ARHGAP21: variants seen among roughly 807,000 people sequenced by gnomAD.
ARHGAP21 encodes the protein Rho GTPase activating protein 21, also known as rho GTPase-activating protein 21.
Under a neutral mutation model 164.6 loss-of-function variants are expected in ARHGAP21, and 38 were observed. The observed-to-expected ratio is 0.23, with a 90% CI of 0.18 to 0.30. ARHGAP21 has a LOEUF of 0.30. Among genes scored for constraint, ARHGAP21 ranks in the 10% least tolerant of loss-of-function variants. The pLI, the probability that ARHGAP21 is intolerant of heterozygous loss-of-function variation, is 1.00. For synonymous variants in ARHGAP21, 766 were observed against 857.9 expected, an observed-to-expected ratio of 0.89 and a Z score of 1.87; for missense variants, 1,822 against 2,370.7, an observed-to-expected ratio of 0.77 and a Z score of 4.81.
intron 4 of ARHGAP21, chr10:24,640,030 G>C (rs1175657713): frequency 6.6e-6 from 1 of 151,940 alleles, no homozygotes; most frequent in Non-Finnish European, 1.5e-5. Flanking sequence ...AACAGATCAT[G>C]ATAGTAAGAA....
intron 2 of ARHGAP21, among the ~76,000 whole-genome samples, chr10:24,681,646 T>G (rs919549040): frequency 2.0e-5 from 3 of 152,154 alleles, no homozygotes; most frequent in Non-Finnish European, 4.4e-5. Flanking sequence ...TTGTCTTTTT[T>G]TTTTTCCATT....
At chr10:24,704,854 A>G (rs1593349559) in intron 2 of ARHGAP21, among the ~76,000 whole-genome samples, 1 of 152,056 alleles carries the variant, frequency 6.6e-6, no homozygotes, top group Non-Finnish European at 1.5e-5. Context: ...GATCCTCCCA[A>G]GGTGCTGGTA....
chr10:24,677,862 C>G (rs536694260), intron 2 of ARHGAP21, among the ~76,000 whole-genome samples: 108 of 152,108 alleles, frequency 7.1e-4, no homozygotes, highest in Non-Finnish European at 1.2e-3. Context: ...CAACCTTGTT[C>G]CACAGAGTAG....
intron 2 of ARHGAP21, among the ~76,000 whole-genome samples, chr10:24,689,452 T>C (rs1437586589): frequency 6.6e-6 from 1 of 152,114 alleles, no homozygotes; most frequent in Non-Finnish European, 1.5e-5. Flanking sequence ...TACATAAATA[T>C]ACACTGGCTG....
chr10:24,722,508 G>GA, intron 1 of ARHGAP21: 1 of 154,440 alleles, frequency 6.5e-6, no homozygotes, highest in Non-Finnish European at 1.4e-5. Flanking sequence ...CAGCCTTCAA[G>GA]AAAAAATGTT....
At chr10:24,714,371 C>T (rs532270051) in intron 2 of ARHGAP21, 109 of 152,256 alleles carry the variant, frequency 7.2e-4, no homozygotes, top group African/African-American at 2.5e-3. Flanking sequence ...CTTCATAAAA[C>T]GCTTAACCTG....
intron 24 of ARHGAP21, 52 bp downstream of exon 24, chr10:24,591,173 G>C: frequency 2.1e-6 from 3 of 1,401,724 alleles, no homozygotes; most frequent in Non-Finnish European, 3.0e-6. Context: ...CTTTCATATT[G>C]TAAGAATGTA....
At chr10:24,721,571 G>A (rs1160384312) in intron 2 of ARHGAP21, among the ~76,000 whole-genome samples, 1 of 152,216 alleles carries the variant, frequency 6.6e-6, no homozygotes, top group Non-Finnish European at 1.5e-5. Context: ...AGAGACGGGA[G>A]AATTCCTGGC....
chr10:24,645,178 C>T (rs181908328), intron 4 of ARHGAP21, among the ~76,000 whole-genome samples: 1 of 152,262 alleles, frequency 6.6e-6, no homozygotes, highest in African/African-American at 2.4e-5. Flanking sequence ...TCTCTAAAAT[C>T]TGTTCTGGAA....
At chr10:24,616,642 A>T (rs760336889) in intron 9 of ARHGAP21, among the ~76,000 whole-genome samples, 4 of 152,224 alleles carry the variant, frequency 2.6e-5, no homozygotes, top group Non-Finnish European at 5.9e-5. Context: ...ATGGAGAAAG[A>T]AAGTTAAGAT....
intron 7 of ARHGAP21, among the ~76,000 whole-genome samples, chr10:24,623,121 G>C (rs1213753431): frequency 1.3e-5 from 2 of 152,102 alleles, no homozygotes; most frequent in Non-Finnish European, 2.9e-5. Context: ...TTTCCCCCCA[G>C]CTTCTTCCAT....
At chr10:24,690,185 T>G (rs1842640775) in intron 2 of ARHGAP21, among the ~76,000 whole-genome samples, 1 of 152,190 alleles carries the variant, frequency 6.6e-6, no homozygotes, top group Non-Finnish European at 1.5e-5. Context: ...ACTATTATTA[T>G]AACTACAACT....
rs1046963607 is a variant in ARHGAP21 at position 24,723,830 on chromosome 10, C to G, written c.-649G>C. ...GGCGGCCGCCGGACTCTCCCCTCGC[C>G]TCGCCGGGCCGGGCCGGGGCCCAGC... On this transcript the variant is annotated 5_prime_UTR_variant, in exon 1 of 26. Coordinates refer to ENST00000396432, the MANE Select transcript of ARHGAP21 (RefSeq NM_020824.4). Among the ~76,000 whole-genome samples the G allele has an allele frequency of 2.0e-5, 3 of 149,788 alleles. No homozygotes were observed. Among genetic ancestry groups the G allele is most frequent in the African/African-American group, 7.3e-5 (3 of 41,106 alleles).
At chr10:24,670,470 A>C in intron 2 of ARHGAP21, 73 bp from the exon 3 acceptor site, 1 of 1,051,896 alleles carries the variant, frequency 9.5e-7, no homozygotes, top group Non-Finnish European at 1.3e-6. Flanking sequence ...ATTCTATGTA[A>C]AAATGTTAAT....
chr10:24,608,899 C>T (rs1489490948), intron 9 of ARHGAP21, among the ~76,000 whole-genome samples: 1 of 151,666 alleles, frequency 6.6e-6, no homozygotes, highest in Non-Finnish European at 1.5e-5. Flanking sequence ...ATTCTTTTTC[C>T]AAAAGCAAGA....
At position 24,610,185 on chromosome 10, in the gene ARHGAP21, T is replaced by C. The variant is rs567015973; in HGVS notation, c.2423-2282A>G. Among the ~76,000 whole-genome samples the C allele has an allele frequency of 7.9e-5, 12 of 152,314 alleles. No individual in the cohort carries two copies. In the Middle Eastern group the frequency reaches 0.01, roughly 130 times the overall value. On this transcript the variant is annotated intron_variant, in intron 9 of 25. Transcript: ENST00000396432. ...TGAGGTCAGGAGTTCGAGACCAGCC[T>C]GGCCAACATGGCAAAACCCTGTCTC...
chr10:24,713,285 G>A (rs1845020901), intron 2 of ARHGAP21, among the ~76,000 whole-genome samples: 1 of 152,194 alleles, frequency 6.6e-6, no homozygotes, highest in African/African-American at 2.4e-5. Context: ...TCCTGACTAT[G>A]CCAGAGCCCT....
At chr10:24,623,406 C>A (rs983654271) in intron 7 of ARHGAP21, among the ~76,000 whole-genome samples, 1 of 152,030 alleles carries the variant, frequency 6.6e-6, no homozygotes, top group Non-Finnish European at 1.5e-5. Context: ...TCTTGTTAAC[C>A]TATAATAAAT....
intron 9 of ARHGAP21, among the ~76,000 whole-genome samples, chr10:24,610,745 A>G (rs1489128210): frequency 6.6e-6 from 1 of 152,190 alleles, no homozygotes; most frequent in African/African-American, 2.4e-5. Context: ...TATTGTGAAA[A>G]TTCATACATG....
Sources: gnomAD v4.1 joint callset for allele counts (sites outside exome capture counted in the v4.1 genomes callset) on GRCh38, gnomAD v4.1.1 for gene constraint, MANE v1.5 for transcripts, NCBI Gene and HGNC (gene_info 2026-07-23, HGNC 2026-07-21) for gene names.